Variants in METTL16 observed in about 807,000 individuals in gnomAD.
METTL16 encodes the protein methyltransferase 16, RNA N6-adenosine.
In METTL16, 19 loss-of-function variants were observed where a neutral mutation model predicts 57.9. The ratio of observed to expected loss-of-function variants is 0.33; its 90% CI spans 0.23 to 0.48. The LOEUF is 0.48. METTL16 is among the 20% of genes least tolerant of loss of function. The pLI, the probability that METTL16 is intolerant of heterozygous loss-of-function variation, is 0.99. For missense variants in METTL16, 434 were observed against 691.5 expected (o/e 0.63, Z 4.18); for synonymous variants, 246 against 255.6 (o/e 0.96, Z 0.36).
At chr17:2,439,448 G>A (rs1225362275) in intron 7 of METTL16, among the ~76,000 whole-genome samples, 1 of 152,170 alleles carries the variant, frequency 6.6e-6, no homozygotes, top group South Asian at 2.1e-4. Context: ...TCTGAAACAG[G>A]AGCACGGGGC....
At chr17:2,501,959 G>A (rs760389548) in intron 2 of METTL16, among the ~76,000 whole-genome samples, 47 of 152,246 alleles carry the variant, frequency 3.1e-4, no homozygotes, top group Non-Finnish European at 3.5e-4. Context: ...ATTTCCGTAG[G>A]GTAAGCAACA....
intron 6 of METTL16, among the ~76,000 whole-genome samples, chr17:2,451,189 C>T (rs2067066569): frequency 6.6e-6 from 1 of 152,112 alleles, no homozygotes; most frequent in African/African-American, 2.4e-5. Flanking sequence ...TTTAGGCAAT[C>T]CTTTTTCCCT....
intron 6 of METTL16, among the ~76,000 whole-genome samples, chr17:2,446,322 T>C (rs997459038): frequency 6.6e-6 from 1 of 152,066 alleles, no homozygotes; most frequent in Admixed American, 6.6e-5. Context: ...GAAAAAGAAA[T>C]AAAATGCATA....
chr17:2,509,703 C>G lies in METTL16; in HGVS notation c.-1+2056G>C, dbSNP rs1055313258. On this transcript the variant is annotated intron_variant, in intron 1 of 9. Coordinates refer to ENST00000263092, the MANE Select transcript of METTL16 (RefSeq NM_024086.4). ...TCAGGAGTTTGTGAGACCAGCCTGG[C>G]CAACATGGAGACCATCCTGGCCAAC... Among the ~76,000 whole-genome samples the G allele has an allele frequency of 2.0e-5, 3 of 152,192 alleles. No individual in the cohort carries two copies. The South Asian group carries it at 6.2e-4, about 32-fold the overall frequency.
rs139409724 is a variant in METTL16 at position 2,499,274 on chromosome 17, A to C, written c.128+2930T>G. On this transcript the variant is annotated intron_variant, in intron 2 of 9. Transcript: ENST00000263092. ...GCTAATCAATAGGTTTTTGTTAAAT[A>C]GCTGATTAAGTACAATAGTAAGTAT... 9.7e-4 allele frequency among the ~76,000 whole-genome samples: 146 copies of C among 151,256 alleles called. 7 individuals carry two copies. The highest frequency in any genetic ancestry group is 3.4e-3 in the African/African-American group (141 of 40,888).
intron 8 of METTL16, among the ~76,000 whole-genome samples, chr17:2,427,425 C>A (rs1597437612): frequency 6.6e-6 from 1 of 152,216 alleles, no homozygotes; most frequent in East Asian, 1.9e-4. Context: ...TGGAAACGTT[C>A]CAAATGACTT....
At chr17:2,447,198 A>C in intron 6 of METTL16, among the ~76,000 whole-genome samples, 3 of 126,460 alleles carry the variant, frequency 2.4e-5, no homozygotes, top group African/African-American at 6.3e-5. Context: ...CCGGCCGCCC[A>C]TCGTCTGAGA....
intron 6 of METTL16, among the ~76,000 whole-genome samples, chr17:2,443,710 A>G (rs1278174086): frequency 1.3e-5 from 2 of 152,046 alleles, no homozygotes; most frequent in African/African-American, 4.8e-5. Context: ...CATGTTAGCC[A>G]GGATGGTCTC....
intron 8 of METTL16, among the ~76,000 whole-genome samples, chr17:2,432,655 A>C (rs561514846): frequency 4.6e-5 from 7 of 152,266 alleles, no homozygotes; most frequent in African/African-American, 7.2e-5. Context: ...CAAAAAAAAA[A>C]CTTGCAACTT....
At chr17:2,483,263 A>G (rs1248965028) in intron 2 of METTL16, among the ~76,000 whole-genome samples, 1 of 152,226 alleles carries the variant, frequency 6.6e-6, no homozygotes, top group African/African-American at 2.4e-5. Context: ...ATTTCACAAC[A>G]GACAACCTTA....
intron 2 of METTL16, among the ~76,000 whole-genome samples, chr17:2,498,384 C>T (rs1224457017): frequency 1.3e-5 from 2 of 151,550 alleles, no homozygotes; most frequent in East Asian, 3.9e-4. Flanking sequence ...TGCACTCCAG[C>T]CTGGTGACAG....
chr17:2,461,526 C>T (rs1249774912), intron 6 of METTL16, among the ~76,000 whole-genome samples: 1 of 150,628 alleles, frequency 6.6e-6, no homozygotes, highest in Non-Finnish European at 1.5e-5. Context: ...CTGTAGCCTG[C>T]AAAGACCCTG....
chr17:2,430,139 G>T (rs1400846150), intron 8 of METTL16, among the ~76,000 whole-genome samples: 4 of 151,742 alleles, frequency 2.6e-5, no homozygotes, highest in African/African-American at 9.7e-5. Context: ...TTAAGACAAA[G>T]TCTTGCTCTG....
chr17:2,429,786 C>T, intron 8 of METTL16, among the ~76,000 whole-genome samples: 1 of 151,920 alleles, frequency 6.6e-6, no homozygotes, highest in East Asian at 1.9e-4. Flanking sequence ...GAACAATCAA[C>T]CCTGTATCTG....
intron 1 of METTL16, among the ~76,000 whole-genome samples, chr17:2,505,644 G>C (rs780236010): frequency 2.6e-5 from 4 of 151,504 alleles, no homozygotes; most frequent in Non-Finnish European, 5.9e-5. Flanking sequence ...CTCCCACCTC[G>C]GGCTCCCAAA....
At chr17:2,475,624 C>T (rs2067264290) in intron 3 of METTL16, among the ~76,000 whole-genome samples, 1 of 152,210 alleles carries the variant, frequency 6.6e-6, no homozygotes, top group South Asian at 2.1e-4. Context: ...TAATAGAACG[C>T]AACAGATTCT....
intron 8 of METTL16, among the ~76,000 whole-genome samples, chr17:2,428,356 C>T (rs536954063): frequency 7.9e-5 from 12 of 151,092 alleles, no homozygotes; most frequent in African/African-American, 2.7e-4. Flanking sequence ...AAAAGACTCA[C>T]GAGCCAAGTT....
At chr17:2,509,514 T>A (rs1418788284) in intron 1 of METTL16, among the ~76,000 whole-genome samples, 1 of 152,026 alleles carries the variant, frequency 6.6e-6, no homozygotes, top group Non-Finnish European at 1.5e-5. Flanking sequence ...GGAGTTCCAG[T>A]CCAGCCTGGG....
Position 2,420,370 on chromosome 17 carries a change from GTCCTC to G in METTL16, c.1284_1288del (p.Glu428AspfsTer37). On this transcript the variant is annotated frameshift_variant, in exon 10 of 10. Coordinates refer to ENST00000263092, the MANE Select transcript of METTL16 (RefSeq NM_024086.4). LOFTEE classifies it high-confidence loss of function. The surrounding 1 kb of genome is among the most constrained non-coding windows in gnomAD (Gnocchi z 5.4). ...TTCCCGCAGAGCAGGCCCACAGGGG[GTCCTC>G]TCCTGGGGGCCCCTGGCCAGTTCTT... is the stretch of plus-strand genomic sequence containing the variant. 6.2e-7 allele frequency: 1 copy of G among 1,612,398 alleles called. No individual in the cohort carries two copies. The highest frequency in any genetic ancestry group is 8.5e-7 in the Non-Finnish European group (1 of 1,179,962).
Sources: allele counts gnomAD v4.1 joint callset (sites outside exome capture counted in the v4.1 genomes callset), GRCh38; gene constraint gnomAD v4.1.1; non-coding constraint Gnocchi (gnomAD v3.1); transcripts MANE v1.5; gene names NCBI Gene and HGNC (gene_info 2026-07-23, HGNC 2026-07-21).